MAX: variants seen among roughly 807,000 people sequenced by gnomAD.
MAX encodes the protein MYC associated transcriptional regulator X, also known as protein max.
In MAX, 3 loss-of-function variants were observed where a neutral mutation model predicts 22.3. The observed-to-expected ratio is 0.13, with a 90% CI of 0.06 to 0.35. The LOEUF is 0.35. Among genes scored for constraint, MAX ranks in the 10% least tolerant of loss-of-function variants. The pLI is 1.00. For synonymous variants in MAX, 72 were observed against 77.7 expected, an observed-to-expected ratio of 0.93 and a Z score of 0.39; for missense variants, 119 against 209.4, an observed-to-expected ratio of 0.57 and a Z score of 2.66.
At chr14:65,061,552 T>C (rs2062865781) in intron 3 of MAX, 1 of 539,312 alleles carries the variant, frequency 1.9e-6, no homozygotes, top group Admixed American at 3.3e-5. Flanking sequence ...CGTGGTGTGG[T>C]TGGTGAACAG....
chr14:65,037,397 C>T (rs536126661), intron 3 of MAX, among the ~76,000 whole-genome samples: 6 of 108,594 alleles, frequency 5.5e-5, no homozygotes, highest in East Asian at 2.3e-4. Context: ...GCCACCACGC[C>T]GGGCCCTTTT....
chr14:65,072,564 AG>A (rs1469454083), downstream of MAX, among the ~76,000 whole-genome samples: 5 of 152,192 alleles, frequency 3.3e-5, no homozygotes, highest in Non-Finnish European at 4.4e-5. Flanking sequence ...GAGTGACTTG[AG>A]GACCACCTGA....
intron 3 of MAX, among the ~76,000 whole-genome samples, chr14:65,060,869 T>C (rs1468880938): frequency 2.3e-5 from 1 of 42,966 alleles, no homozygotes; most frequent in Non-Finnish European, 3.7e-5. Context: ...CAAGACTCTC[T>C]CAAAAAAAAA....
At position 65,102,478 on chromosome 14, in the gene MAX, C is replaced by T. The variant is rs1271458858; in HGVS notation, c.-139G>A. 6.9e-7 allele frequency: 1 copy of T among 1,448,202 alleles called. No individual in the cohort carries two copies. The highest frequency in any genetic ancestry group is 9.2e-7 in the Non-Finnish European group (1 of 1,087,918). 89.7% of individuals were successfully genotyped at this position (1,448,202 alleles called of 1,614,324 possible). The stretch of plus-strand genomic sequence containing the variant: ...TCACTCACTCACTCGCTCTCTCACT[C>T]ACACACACACACAACACGGGCAAGA... On this transcript the variant is annotated 5_prime_UTR_variant, in exon 1 of 5. Coordinates refer to ENST00000358664, the MANE Select transcript of MAX (RefSeq NM_002382.5).
intron 3 of MAX, among the ~76,000 whole-genome samples, chr14:65,085,726 G>A (rs922308320): frequency 2.0e-5 from 3 of 152,186 alleles, no homozygotes; most frequent in African/African-American, 4.8e-5. Context: ...CTGAGGGAAG[G>A]GGGGAACTCA....
At chr14:65,017,078 G>A (rs528930335) in intron 3 of MAX, among the ~76,000 whole-genome samples, 70 of 151,840 alleles carry the variant, frequency 4.6e-4, no homozygotes, top group Middle Eastern at 3.4e-3. Flanking sequence ...ACCCACCACC[G>A]TGCCTGGCTA....
intron 3 of MAX, among the ~76,000 whole-genome samples, chr14:65,066,361 C>T (rs1387787438): frequency 6.6e-6 from 1 of 152,224 alleles, no homozygotes; most frequent in Non-Finnish European, 1.5e-5. Flanking sequence ...CCTGCAGTAA[C>T]CCTCCTTGCC....
intron 3 of MAX, among the ~76,000 whole-genome samples, chr14:65,037,685 C>G (rs2062234217): frequency 6.7e-6 from 1 of 148,946 alleles, no homozygotes; most frequent in Non-Finnish European, 1.5e-5. Flanking sequence ...GCGGCTTCCC[C>G]AAGTGCTGGG....
chr14:65,087,163 T>A (rs1352565349), intron 3 of MAX, among the ~76,000 whole-genome samples: 1 of 152,192 alleles, frequency 6.6e-6, no homozygotes, highest in Non-Finnish European at 1.5e-5. Context: ...TGGAAACACC[T>A]GTATGTCCAG....
chr14:65,095,438 C>T (rs2063635523), intron 2 of MAX, among the ~76,000 whole-genome samples: 1 of 152,198 alleles, frequency 6.6e-6, no homozygotes, highest in African/African-American at 2.4e-5. Context: ...GAGGTAGGTA[C>T]TCTGTATCAT....
At chr14:65,024,765 C>T (rs961858438) in intron 3 of MAX, among the ~76,000 whole-genome samples, 1 of 152,002 alleles carries the variant, frequency 6.6e-6, no homozygotes, top group African/African-American at 2.4e-5. Context: ...AAGTTTTTCT[C>T]CCCCTACATT....
intron 3 of MAX, among the ~76,000 whole-genome samples, chr14:65,087,018 C>A (rs1436615128): frequency 6.6e-6 from 1 of 152,232 alleles, no homozygotes; most frequent in Non-Finnish European, 1.5e-5. Context: ...GGGCCCAATG[C>A]AGAGCTCAGG....
At chr14:65,085,229 G>A (rs910742495) in intron 3 of MAX, among the ~76,000 whole-genome samples, 13 of 152,016 alleles carry the variant, frequency 8.6e-5, no homozygotes, top group Non-Finnish European at 1.5e-4. Context: ...GGTTCTACTC[G>A]AAAATTTAAT....
At position 65,090,663 on chromosome 14, in the gene MAX, C is replaced by T. The variant is rs112684799; in HGVS notation, c.171+3045G>A. On this transcript the variant is annotated intron_variant, in intron 3 of 4. Coordinates refer to ENST00000358664, the MANE Select transcript of MAX (RefSeq NM_002382.5). Reference sequence around the variant, plus strand: ...AGGACTACAGGTAAGCATCACCACGCCCAACTAATTTTTGTATTTTTTGTA... The same window carrying T: ...AGGACTACAGGTAAGCATCACCACGTCCAACTAATTTTTGTATTTTTTGTA... 187 of 152,208 alleles carry T rather than the reference C, an allele frequency of 1.2e-3. 1 individual carries two copies. The highest frequency in any genetic ancestry group is 4.3e-3 in the African/African-American group (178 of 41,540). 9.4% of individuals were successfully genotyped at this position (152,208 alleles called of 1,614,324 possible).
At position 65,032,315 on chromosome 14, in the gene MAX, A is replaced by G; in HGVS notation, c.172-26031T>C. On this transcript the variant is annotated intron_variant, in intron 3 of 3. Coordinates refer to the MAX transcript ENST00000341653. The surrounding 1 kb of genome is among the most constrained non-coding windows in gnomAD (Gnocchi z 5.0). ...GGTCTTTGAAAGAAGAGCTGAATCCACTTTTGACATGAATTGATATGGCTG... is the reference window on the plus strand; with the variant it reads ...GGTCTTTGAAAGAAGAGCTGAATCCGCTTTTGACATGAATTGATATGGCTG... 1 of 267,120 alleles carries G rather than the reference A, an allele frequency of 3.7e-6. No homozygotes were observed. Among genetic ancestry groups the G allele is most frequent in the Non-Finnish European group, 7.0e-6 (1 of 141,970 alleles). The allele number at this position is 267,120 out of a possible 1,614,324, so 16.5% of individuals were successfully genotyped here. A position where few individuals can be genotyped will look rare whatever the true frequency, so the allele number is the denominator to read the frequency against.
intron 3 of MAX, among the ~76,000 whole-genome samples, chr14:65,042,845 T>C (rs1047873679): frequency 6.6e-6 from 1 of 152,226 alleles, no homozygotes; most frequent in African/African-American, 2.4e-5. Context: ...GAGTAATGCT[T>C]AGCCCACTTC....
At position 65,030,029 on chromosome 14, in the gene MAX, A is replaced by G. The variant is rs1894074631; in HGVS notation, c.172-23745T>C. Among the ~76,000 whole-genome samples, 1 of 152,102 alleles carries G rather than the reference A, an allele frequency of 6.6e-6. No homozygotes were observed. Among genetic ancestry groups the G allele is most frequent in the South Asian group, 2.1e-4 (1 of 4,816 alleles). On this transcript the variant is annotated intron_variant, in intron 3 of 3. Transcript: ENST00000341653. This position sits in a 1 kb window ranked among gnomAD's most constrained non-coding sequence, Gnocchi z 4.5. ...TGGGTGGAGGGAAAGGGGGAGAAAT[A>G]CATGAAAAGGTTGTATTACGTTTCC...
chr14:65,076,544 C>T lies in MAX; in HGVS notation c.415G>A (p.Asp139Asn), dbSNP rs772397458. Residue 139 changes from aspartate (D) to asparagine (N), a missense_variant, in exon 5 of 5, where the codon GAC (aspartate) becomes AAC (asparagine). Physicochemically the swap from Asp to Asn is conservative, Grantham distance 23. This residue lies in a region of MAX where 95 missense variants were observed against 148.1 expected (regional missense o/e 0.64). Transcript: ENST00000358664. This position sits in a 1 kb window ranked among gnomAD's most constrained non-coding sequence, Gnocchi z 6.6. ...TCAGGCTCAGACTCCGAGCTGGAGT[C>T]CGAGCCCCCATCGAAGGCAGAGATG... ...STISAFDGGSDSSSESEPEEP... is the reference protein window; with the variant it reads ...STISAFDGGSNSSSESEPEEP... 31 of 1,613,950 alleles carry T rather than the reference C, an allele frequency of 1.9e-5. No homozygotes were observed. The highest frequency in any genetic ancestry group is 4.2e-6 in the Non-Finnish European group (5 of 1,180,020).
chr14:65,022,222 C>T (rs886686852), intron 3 of MAX: 8 of 369,920 alleles, frequency 2.2e-5, no homozygotes, highest in African/African-American at 1.1e-4. Context: ...TTTACATCCC[C>T]TCCTAAGCCG....
Sources: allele counts gnomAD v4.1 joint callset (sites outside exome capture counted in the v4.1 genomes callset), GRCh38; gene constraint gnomAD v4.1.1; regional missense constraint gnomAD v4.1.1; non-coding constraint Gnocchi (gnomAD v3.1); transcripts MANE v1.5; gene names NCBI Gene and HGNC (gene_info 2026-07-23, HGNC 2026-07-21).